RGPD5: variants seen among roughly 807,000 people sequenced by gnomAD.
RGPD5 encodes RANBP2-like and GRIP domain-containing protein 5/6.
the RGPD5 span, among the ~76,000 whole-genome samples, chr2:109,766,371 G>A: frequency 2.0e-5 from 3 of 150,638 alleles, no homozygotes; most frequent in Non-Finnish European, 4.4e-5. Context: ...AAAGCTGGGT[G>A]GAGAGACTGG....
At chr2:109,762,694 AACTT>A in the RGPD5 span, among the ~76,000 whole-genome samples, 7 of 98,464 alleles carry the variant, frequency 7.1e-5, no homozygotes, top group Admixed American at 4.1e-4. Context: ...AAAAAACAAA[AACTT>A]ACACGTTTTT....
At chr2:109,764,653 A>C in the RGPD5 span, among the ~76,000 whole-genome samples, 1 of 148,120 alleles carries the variant, frequency 6.8e-6, no homozygotes, top group Non-Finnish European at 1.5e-5. Flanking sequence ...TGGAGGATGG[A>C]AAGAGGAAAA....
At chr2:109,765,344 T>C in the RGPD5 span, among the ~76,000 whole-genome samples, 1 of 149,946 alleles carries the variant, frequency 6.7e-6, no homozygotes, top group Admixed American at 6.8e-5. Context: ...TATTACTATG[T>C]GTGATACACT....
At chr2:109,774,532 T>TA in the RGPD5 span, among the ~76,000 whole-genome samples, 3 of 91,686 alleles carry the variant, frequency 3.3e-5, 1 homozygote, top group South Asian at 7.1e-4. Context: ...TTATATATAT[T>TA]ATATATAAAA....
chr2:109,765,903 C>G, the RGPD5 span, among the ~76,000 whole-genome samples: 1 of 150,566 alleles, frequency 6.6e-6, no homozygotes, highest in Non-Finnish European at 1.5e-5. Flanking sequence ...TGCTACAGAT[C>G]CCTGATCTTG....
At chr2:109,763,389 G>T in the RGPD5 span, among the ~76,000 whole-genome samples, 1 of 150,152 alleles carries the variant, frequency 6.7e-6, no homozygotes, top group Non-Finnish European at 1.5e-5. Context: ...TCTAAAAATG[G>T]GGCAGCCATA....
At chr2:109,760,849 G>A in the RGPD5 span, among the ~76,000 whole-genome samples, 6 of 135,930 alleles carry the variant, frequency 4.4e-5, no homozygotes, top group African/African-American at 1.6e-4. Flanking sequence ...TCCTCACCTG[G>A]GCCGGGTGCT....
the RGPD5 span, among the ~76,000 whole-genome samples, chr2:109,767,137 A>C: frequency 7.0e-6 from 1 of 142,146 alleles, no homozygotes; most frequent in Non-Finnish European, 1.5e-5. Flanking sequence ...AAAAGTGTCA[A>C]TTGCTCTGAA....
the RGPD5 span, among the ~76,000 whole-genome samples, chr2:109,765,436 C>T: frequency 4.7e-5 from 7 of 150,494 alleles, 1 homozygote; most frequent in African/African-American, 1.7e-4. Flanking sequence ...GTTTAGGAAA[C>T]CCTGCTGTAC....
At chr2:109,777,089 TAGTGG>T in the RGPD5 span, among the ~76,000 whole-genome samples, 3 of 90,416 alleles carry the variant, frequency 3.3e-5, no homozygotes, top group Non-Finnish European at 7.0e-5. Flanking sequence ...TGTTAAATAG[TAGTGG>T]AGTGAGTAGA....
the RGPD5 span, among the ~76,000 whole-genome samples, chr2:109,766,557 T>C: frequency 6.6e-6 from 1 of 150,626 alleles, no homozygotes; most frequent in Admixed American, 6.8e-5. Flanking sequence ...CTTCCTGTGT[T>C]CCAGATTCTC....
chr2:109,799,387 G>A (rs1485487136), intron 1 of RGPD5, among the ~76,000 whole-genome samples: 31 of 17,708 alleles, frequency 1.8e-3, no homozygotes, highest in African/African-American at 0.012. Context: ...GGGATTGCAG[G>A]TGTTAGCCTG....
intron 1 of RGPD5, among the ~76,000 whole-genome samples, chr2:109,799,310 A>G (rs1573999446): frequency 9.8e-6 from 1 of 101,762 alleles, no homozygotes; most frequent in African/African-American, 4.4e-5. Flanking sequence ...GTTGTGTATT[A>G]TTTTTGTTAA....
At chr2:109,761,366 T>A in the RGPD5 span, among the ~76,000 whole-genome samples, 3 of 150,938 alleles carry the variant, frequency 2.0e-5, no homozygotes, top group African/African-American at 7.3e-5. Flanking sequence ...CCAGGGAGAC[T>A]CCTTTCCTCG....
the RGPD5 span, among the ~76,000 whole-genome samples, chr2:109,778,540 A>G: frequency 6.7e-6 from 1 of 149,816 alleles, no homozygotes; most frequent in Non-Finnish European, 1.5e-5. Flanking sequence ...CAATAGTAGA[A>G]TAACCTTGGT....
At chr2:109,766,279 G>A in the RGPD5 span, among the ~76,000 whole-genome samples, 1 of 151,160 alleles carries the variant, frequency 6.6e-6, no homozygotes, top group Non-Finnish European at 1.5e-5. Flanking sequence ...GCCTGGAGGA[G>A]GCAGGGGGCC....
the RGPD5 span, among the ~76,000 whole-genome samples, chr2:109,760,884 T>G: frequency 1.3e-3 from 65 of 51,196 alleles, no homozygotes; most frequent in African/African-American, 2.1e-3. Context: ...GCCGTGGGGG[T>G]GGGGTGGGTC....
chr2:109,771,516 T>C, the RGPD5 span, among the ~76,000 whole-genome samples: 3 of 82,674 alleles, frequency 3.6e-5, 1 homozygote, highest in Non-Finnish European at 6.5e-5. Flanking sequence ...CTTATTTGTG[T>C]TCCTTTCATT....
the RGPD5 span, among the ~76,000 whole-genome samples, chr2:109,771,390 G>A: frequency 5.1e-5 from 5 of 97,610 alleles, 1 homozygote; most frequent in Non-Finnish European, 9.4e-5. Flanking sequence ...TGATCATCAC[G>A]TGCGGCGGCA....
Sources: gnomAD v4.1 joint callset for allele counts (sites outside exome capture counted in the v4.1 genomes callset) on GRCh38, gnomAD v4.1.1 for gene constraint, MANE v1.5 for transcripts, NCBI Gene and HGNC (gene_info 2026-07-23, HGNC 2026-07-21) for gene names.